RNF125: variants seen among roughly 807,000 people sequenced by gnomAD.
RNF125 encodes the protein ring finger protein 125.
In RNF125, 21 loss-of-function variants were observed where a neutral mutation model predicts 26.0. The observed-to-expected ratio is 0.81, with a 90% confidence interval of 0.57 to 1.16. The LOEUF is 1.16. Ranked by LOEUF, RNF125 falls within the 50% of genes most tolerant of loss-of-function variation. The probability of loss-of-function intolerance (pLI) is 0.00; values close to 1 mark genes in which losing one functional copy is unlikely to be tolerated. For missense variants in RNF125, 270 were observed against 299.4 expected (o/e 0.90, Z 0.72); for synonymous variants, 95 against 109.2 (o/e 0.87, Z 0.81).
chr18:32,055,468 T>C (rs981855388), intron 4 of RNF125, among the ~76,000 whole-genome samples: 2 of 151,920 alleles, frequency 1.3e-5, no homozygotes, highest in African/African-American at 4.8e-5. Context: ...ATGGCTGGGG[T>C]GGCCTCAGGA....
chr18:32,034,929 A>G (rs950870622), intron 1 of RNF125, among the ~76,000 whole-genome samples: 2 of 151,940 alleles, frequency 1.3e-5, no homozygotes, highest in Non-Finnish European at 2.9e-5. Context: ...TTACCATACA[A>G]TAACAAAAAT....
chr18:32,065,323 C>T (rs1324225777), intron 4 of RNF125, among the ~76,000 whole-genome samples: 1 of 152,026 alleles, frequency 6.6e-6, no homozygotes, highest in Non-Finnish European at 1.5e-5. Flanking sequence ...CTGAAACCTC[C>T]GCCTCCCAGA....
At position 32,044,524 on chromosome 18, in the gene RNF125, T is replaced by C. The variant is rs895893645; in HGVS notation, c.414-1118T>C. ...CCCTCAAAATTCAGCGTGTATCTTA[T>C]ACATCCAGCAAATCTGAATTTTTTT... On this transcript the variant is annotated intron_variant, in intron 3 of 5. Coordinates refer to ENST00000217740, the MANE Select transcript of RNF125 (RefSeq NM_017831.4). Among the ~76,000 whole-genome samples the C allele has an allele frequency of 2.0e-5, 3 of 152,146 alleles. No homozygotes were observed. In the South Asian group the frequency reaches 6.2e-4, roughly 31 times the overall value.
chr18:32,020,002 C>CTGTGTG lies in RNF125; in HGVS notation c.164+1001_164+1006dup, dbSNP rs149126113. On this transcript the variant is annotated intron_variant, in intron 1 of 5. Coordinates refer to ENST00000217740, the MANE Select transcript of RNF125 (RefSeq NM_017831.4). Reference sequence around the variant, plus strand: ...GCTGTGAATTTGTGCTCTCTGTTTACTGTGTGTGTGTGTGTGTGTGTGTGT... The same window carrying CTGTGTG: ...GCTGTGAATTTGTGCTCTCTGTTTACTGTGTGTGTGTGTGTGTGTGTGTGTGTGTGT... Among the ~76,000 whole-genome samples the CTGTGTG allele has an allele frequency of 6.1e-3, 918 of 149,992 alleles. 5 individuals carry two copies. Among genetic ancestry groups the CTGTGTG allele is most frequent in the African/African-American group, 0.016 (648 of 40,774 alleles).
At chr18:32,074,194 A>G (rs55655705), downstream of RNF125, among the ~76,000 whole-genome samples, 6,256 of 151,948 alleles carry the variant, frequency 0.041, 179 homozygotes, top group Non-Finnish European at 0.06. Context: ...CTTTCATCTC[A>G]TGGCATTTGT....
chr18:32,066,318 G>C (rs1406294025), intron 5 of RNF125, among the ~76,000 whole-genome samples: 2 of 152,042 alleles, frequency 1.3e-5, no homozygotes, highest in African/African-American at 4.8e-5. Context: ...AATTAGCCAG[G>C]CATGGTGGTA....
In RNF125 at chr18:32,068,504, T is replaced by A; in HGVS notation, c.*120T>A. 1.6e-6 allele frequency: 1 copy of A among 641,836 alleles called. No individual in the cohort carries two copies. The highest frequency in any genetic ancestry group is 1.8e-5 in the South Asian group (1 of 54,374). The allele number at this position is 641,836 out of a possible 1,614,324, so 39.8% of individuals were successfully genotyped here. A position where few individuals can be genotyped will look rare whatever the true frequency, so the allele number is the denominator to read the frequency against. On this transcript the variant is annotated 3_prime_UTR_variant, in exon 6 of 6. Transcript: ENST00000217740. ...AAAAATGTACAACACAGTTATGTGT[T>A]TGTCCATGTTTATTGTTATAGTGCA...
intron 1 of RNF125, among the ~76,000 whole-genome samples, chr18:32,025,748 G>A (rs1180374527): frequency 6.6e-6 from 1 of 151,350 alleles, no homozygotes; most frequent in Non-Finnish European, 1.5e-5. Context: ...GTATGCGTGT[G>A]TGTGTGTGTT....
chr18:32,032,713 C>CG (rs947894883), intron 1 of RNF125, among the ~76,000 whole-genome samples: 123 of 152,144 alleles, frequency 8.1e-4, no homozygotes, highest in African/African-American at 2.8e-3. Flanking sequence ...AGTGGAGGGC[C>CG]GGGCTTGGTG....
At chr18:32,048,583 C>G (rs2039295471) in intron 4 of RNF125, among the ~76,000 whole-genome samples, 1 of 152,154 alleles carries the variant, frequency 6.6e-6, no homozygotes. Flanking sequence ...GGTCACACAG[C>G]TGGTAAGTAA....
chr18:32,076,058 C>T, downstream of RNF125: 1 of 716,260 alleles, frequency 1.4e-6, no homozygotes, highest in Non-Finnish European at 2.6e-6. Context: ...GGGCTAATCA[C>T]TCTACACTTG....
At chr18:32,048,077 T>A (rs1280282455) in intron 4 of RNF125, among the ~76,000 whole-genome samples, 1 of 151,494 alleles carries the variant, frequency 6.6e-6, no homozygotes, top group Admixed American at 6.6e-5. Context: ...TGAAGTGAAC[T>A]GAGATCGTGC....
chr18:32,021,206 G>A lies in RNF125; in HGVS notation c.164+2179G>A, dbSNP rs566819211. Among the ~76,000 whole-genome samples, 315 of 152,192 alleles carry A rather than the reference G, an allele frequency of 2.1e-3. 1 individual carries two copies. Among genetic ancestry groups the A allele is most frequent in the Admixed American group, 2.6e-3 (40 of 15,290 alleles). On this transcript the variant is annotated intron_variant, in intron 1 of 5. Coordinates refer to ENST00000217740, the MANE Select transcript of RNF125 (RefSeq NM_017831.4). ...CGCCATTCTCCTGCCTCAGCCTCCC[G>A]AGTAGCTGGGACTACAGGTGCCGCC...
chr18:32,047,427 T>C (rs2433379), intron 4 of RNF125, among the ~76,000 whole-genome samples: 61,510 of 152,078 alleles, frequency 0.4, 12,418 homozygotes, highest in South Asian at 0.44. Flanking sequence ...AGGAAATTCC[T>C]TACATTATTA....
chr18:32,068,289 T>G lies in RNF125; in HGVS notation c.613-9T>G. The stretch of plus-strand genomic sequence containing the variant: ...TCTGAATATTTCTAATTATTTTTCT[T>G]TATTGTAGGATTTTAATATAATTGA... On this transcript the variant is annotated splice_polypyrimidine_tract_variant and intron_variant, in intron 5 of 5. Transcript: ENST00000217740. The G allele has an allele frequency of 6.9e-7, 1 of 1,445,580 alleles. No individual in the cohort carries two copies. Among genetic ancestry groups the G allele is most frequent in the Non-Finnish European group, 9.7e-7 (1 of 1,029,580 alleles). The allele number at this position is 1,445,580 out of a possible 1,614,324, so 89.5% of individuals were successfully genotyped here. A position where few individuals can be genotyped will look rare whatever the true frequency, so the allele number is the denominator to read the frequency against.
At chr18:32,062,163 T>C (rs2039441190) in intron 4 of RNF125, among the ~76,000 whole-genome samples, 1 of 152,246 alleles carries the variant, frequency 6.6e-6, no homozygotes, top group South Asian at 2.1e-4. Context: ...GAAACTTATA[T>C]GCTCAAGATC....
At position 32,065,857 on chromosome 18, in the gene RNF125, C is replaced by T. The variant is rs141968400; in HGVS notation, c.505-45C>T. The T allele has an allele frequency of 5.1e-5, 69 of 1,346,088 alleles. No individual in the cohort carries two copies. The African/African-American group carries it at 8.4e-4, about 16-fold the overall frequency. 83.4% of individuals were successfully genotyped at this position (1,346,088 alleles called of 1,614,324 possible). On this transcript the variant is annotated intron_variant, in intron 4 of 5. Coordinates refer to ENST00000217740, the MANE Select transcript of RNF125 (RefSeq NM_017831.4). ...TTGTTTTTAATTCTAACACTAATAACGATTTTAAATTCTTTCTTGAACCCC... is the reference window on the plus strand; with the variant it reads ...TTGTTTTTAATTCTAACACTAATAATGATTTTAAATTCTTTCTTGAACCCC...
At chr18:32,062,351 A>T (rs1165773246) in intron 4 of RNF125, among the ~76,000 whole-genome samples, 1 of 152,216 alleles carries the variant, frequency 6.6e-6, no homozygotes, top group Non-Finnish European at 1.5e-5. Flanking sequence ...CTTTTGTTGA[A>T]ATATTTCTTG....
intron 1 of RNF125, among the ~76,000 whole-genome samples, chr18:32,028,850 G>A (rs917063361): frequency 4.6e-5 from 7 of 152,046 alleles, no homozygotes; most frequent in African/African-American, 1.7e-4. Context: ...ACCCTGCCCA[G>A]CCAATTTTCT....
Sources: gnomAD v4.1 joint callset for allele counts (sites outside exome capture counted in the v4.1 genomes callset) on GRCh38, gnomAD v4.1.1 for gene constraint, MANE v1.5 for transcripts, NCBI Gene and HGNC (gene_info 2026-07-23, HGNC 2026-07-21) for gene names.